The following SNRPN variants were observed in gnomAD, a reference collection of about 807,000 sequenced individuals.
The protein encoded by SNRPN is small nuclear ribonucleoprotein-associated protein N.
Under a neutral mutation model 25.2 loss-of-function variants are expected in SNRPN, and 7 were observed. The ratio of observed to expected loss-of-function variants is 0.28; its 90% CI spans 0.16 to 0.52. SNRPN has a LOEUF of 0.52. SNRPN is among the 20% of genes least tolerant of loss of function. The pLI, the probability that SNRPN is intolerant of heterozygous loss-of-function variation, is 0.96. For synonymous variants in SNRPN, 124 were observed against 110.6 expected (o/e 1.12, Z -0.76); for missense variants, 196 against 322.5 (o/e 0.61, Z 3.00).
At chr15:24,828,331 G>A (rs2050245639) in intron 1 of SNRPN, among the ~76,000 whole-genome samples, 1 of 152,090 alleles carries the variant, frequency 6.6e-6, no homozygotes, top group African/African-American at 2.4e-5. Flanking sequence ...ATTGAATGCA[G>A]GTGATCTTAC....
intron 2 of SNRPN, chr15:24,909,482 C>T (rs1461442135): frequency 1.3e-6 from 2 of 1,571,390 alleles, no homozygotes; most frequent in Non-Finnish European, 1.7e-6. Flanking sequence ...CTTGTCCATG[C>T]CAAACCTACT....
At chr15:24,862,019 C>G (rs1027250796) in intron 1 of SNRPN, among the ~76,000 whole-genome samples, 3 of 150,898 alleles carry the variant, frequency 2.0e-5, no homozygotes, top group Non-Finnish European at 2.9e-5. Context: ...TTGCACCATT[C>G]CTGTTCACAC....
chr15:24,845,320 C>G (rs1388941527), intron 2 of SNRPN, among the ~76,000 whole-genome samples: 5 of 152,114 alleles, frequency 3.3e-5, no homozygotes, highest in African/African-American at 1.2e-4. Flanking sequence ...AAATAATGGC[C>G]AGGTGCGGTG....
At chr15:24,954,515 G>A (rs953762963), upstream of SNRPN, among the ~76,000 whole-genome samples, 1 of 152,102 alleles carries the variant, frequency 6.6e-6, no homozygotes, top group African/African-American at 2.4e-5. Context: ...GAACAATGTA[G>A]CATGCTTTTA....
At chr15:24,849,836 A>AT (rs2052646589) in intron 2 of SNRPN, 1 of 152,260 alleles carries the variant, frequency 6.6e-6, no homozygotes, top group African/African-American at 2.4e-5. Flanking sequence ...GACTATACGC[A>AT]TAATTGCCTT....
intron 3 of SNRPN, among the ~76,000 whole-genome samples, chr15:24,941,863 C>G (rs145026551): frequency 3.3e-5 from 5 of 152,248 alleles, no homozygotes; most frequent in Non-Finnish European, 5.9e-5. Flanking sequence ...ACTGCAACCT[C>G]TGCTGCCCGG....
upstream of SNRPN, among the ~76,000 whole-genome samples, chr15:24,854,859 G>A (rs937667271): frequency 2.0e-5 from 3 of 152,092 alleles, no homozygotes; most frequent in African/African-American, 7.2e-5. Flanking sequence ...ATTTAGCTGG[G>A]TGTGGTGATG....
At chr15:24,841,998 T>C (rs929608285) in intron 2 of SNRPN, among the ~76,000 whole-genome samples, 11 of 152,114 alleles carry the variant, frequency 7.2e-5, no homozygotes, top group Admixed American at 3.3e-4. Context: ...CCAGCTCACT[T>C]ACATCTGTGG....
chr15:24,974,649 C>G (rs2076856235), intron 4 of SNRPN, 193 bp downstream of exon 4: 3 of 650,576 alleles, frequency 4.6e-6, no homozygotes, highest in Non-Finnish European at 2.8e-6. Context: ...CAGACGGGGT[C>G]TTGCTCTGTC....
At chr15:24,953,510 G>A (rs1346373326), upstream of SNRPN, among the ~76,000 whole-genome samples, 1 of 152,100 alleles carries the variant, frequency 6.6e-6, no homozygotes, top group Non-Finnish European at 1.5e-5. Flanking sequence ...TTTTTGTAGA[G>A]ATGGGTTTCA....
chr15:24,868,112 T>G (rs956471790), intron 1 of SNRPN, among the ~76,000 whole-genome samples: 1 of 139,758 alleles, frequency 7.2e-6, no homozygotes, highest in Non-Finnish European at 1.5e-5. Context: ...TGTATATGGG[T>G]GTGTGTGTGT....
At chr15:24,905,242 G>A (rs1422214233) in intron 2 of SNRPN, among the ~76,000 whole-genome samples, 2 of 152,096 alleles carry the variant, frequency 1.3e-5, no homozygotes. Flanking sequence ...CGGGTGCGGT[G>A]GCTCAGACCT....
intron 8 of SNRPN, 87 bp from the exon 9 acceptor site, chr15:24,978,106 C>T (rs199717245): frequency 5.6e-5 from 78 of 1,392,044 alleles, no homozygotes; most frequent in Non-Finnish European, 7.3e-5. Flanking sequence ...TGTTGTCTGG[C>T]CCATTTCTTT....
chr15:24,976,238 T>C (rs1465417121), intron 5 of SNRPN, 67 bp from the exon 6 acceptor site: 2 of 1,188,066 alleles, frequency 1.7e-6, no homozygotes, highest in African/African-American at 3.0e-5. Context: ...CTTGAGGTTG[T>C]ATAAATATTT....
At chr15:24,875,595 T>C (rs2055775918) in intron 1 of SNRPN, among the ~76,000 whole-genome samples, 1 of 152,102 alleles carries the variant, frequency 6.6e-6, no homozygotes, top group South Asian at 2.1e-4. Flanking sequence ...AAAAATCAAT[T>C]TTCCCCCCAT....
At chr15:24,939,633 G>A (rs760253309) in intron 3 of SNRPN, among the ~76,000 whole-genome samples, 17 of 151,836 alleles carry the variant, frequency 1.1e-4, no homozygotes, top group Admixed American at 2.6e-4. Flanking sequence ...GGGTTTCACC[G>A]TGTTAACCAC....
intron 2 of SNRPN, among the ~76,000 whole-genome samples, chr15:24,830,808 C>A (rs1334924386): frequency 6.6e-6 from 1 of 152,016 alleles, no homozygotes; most frequent in Non-Finnish European, 1.5e-5. Context: ...TAGTCTGATT[C>A]TTTTAAATGG....
intron 2 of SNRPN, among the ~76,000 whole-genome samples, chr15:24,898,530 A>G (rs12901877): frequency 0.84 from 128,106 of 151,906 alleles, 54,411 homozygotes; most frequent in East Asian, 0.99. Flanking sequence ...AGAGGTTGCA[A>G]TGAGCGAAGA....
At chr15:24,955,613 A>G (rs564388156) in intron 1 of SNRPN, among the ~76,000 whole-genome samples, 117 of 129,980 alleles carry the variant, frequency 9.0e-4, no homozygotes, top group African/African-American at 3.1e-3. Context: ...TGGGGGGGGA[A>G]TTCGTCGCAG....
Sources: gnomAD v4.1 joint callset for allele counts (sites outside exome capture counted in the v4.1 genomes callset) on GRCh38, gnomAD v4.1.1 for gene constraint, MANE v1.5 for transcripts, NCBI Gene and HGNC (gene_info 2026-07-23, HGNC 2026-07-21) for gene names.